Variants in ESPN observed in about 807,000 individuals in gnomAD.
ESPN encodes the protein autosomal recessive deafness type 36 protein.
ESPN carries 68 observed loss-of-function variants against 77.7 expected under a neutral mutation model. The observed-to-expected ratio is 0.87, with a 90% confidence interval of 0.72 to 1.07. The LOEUF (loss-of-function observed/expected upper bound fraction) is 1.07, where lower values mean the gene tolerates loss of function less well. ESPN is among the 50% of genes least tolerant of loss of function. ESPN has a pLI of 0.00. For missense variants in ESPN, 1,060 were observed against 1,239.0 expected, an observed-to-expected ratio of 0.86 and a Z score of 2.17; for synonymous variants, 449 against 567.1, an observed-to-expected ratio of 0.79 and a Z score of 2.96.
Position 6,427,154 on chromosome 1 carries a change from C to T in ESPN, c.295-1072C>T, listed in dbSNP as rs1413010369. Among the ~76,000 whole-genome samples, 1 of 152,112 alleles carries T rather than the reference C, an allele frequency of 6.6e-6. No individual in the cohort carries two copies. The highest frequency in any genetic ancestry group is 1.5e-5 in the Non-Finnish European group (1 of 68,022). On this transcript the variant is annotated intron_variant, in intron 1 of 12. Transcript: ENST00000645284. The surrounding 1 kb of genome is among the most constrained non-coding windows in gnomAD (Gnocchi z 4.6). ...CCAGTCTGTAACCACAGTGCCCTCT[C>T]TCTGGGCAAGGCGGGGCAGAGAGGC...
rs1448795244 is a variant in ESPN at position 6,440,700 on chromosome 1, C to A, written c.750C>A (p.Arg250=). The A allele has an allele frequency of 5.2e-6, 8 of 1,546,668 alleles. No homozygotes were observed. Among genetic ancestry groups the A allele is most frequent in the Non-Finnish European group, 6.9e-6 (8 of 1,155,440 alleles). Residue 250 remains arginine, a synonymous_variant, in exon 4 of 13, where the codon CGC becomes CGA. Coordinates refer to ENST00000645284, the MANE Select transcript of ESPN (RefSeq NM_031475.3). ...GATAMHFAAS[R]GHTKVLSWLL... The stretch of plus-strand genomic sequence containing the variant: ...CCGCCATGCACTTCGCGGCGAGCCG[C>A]GGCCACACCAAGGTGCTCAGCTGGC...
intron 12 of ESPN, among the ~76,000 whole-genome samples, chr1:6,458,815 C>T (rs1644099147): frequency 6.6e-6 from 1 of 150,890 alleles, no homozygotes; most frequent in Non-Finnish European, 1.5e-5. Context: ...CCTGTAATCC[C>T]AGCTACTCGG....
At chr1:6,440,590 A>T (rs1452672008) in intron 3 of ESPN, 36 bp from the exon 4 acceptor site, 4 of 1,045,482 alleles carry the variant, frequency 3.8e-6, no homozygotes, top group Non-Finnish European at 5.4e-6. Flanking sequence ...CCTGGCGCCC[A>T]GCCCCCGCCC....
intron 12 of ESPN, among the ~76,000 whole-genome samples, chr1:6,458,817 G>A (rs992922989): frequency 1.3e-5 from 2 of 151,234 alleles, no homozygotes; most frequent in African/African-American, 4.9e-5. Flanking sequence ...TGTAATCCCA[G>A]CTACTCGGGA....
rs1644139307 is a variant in ESPN at position 6,460,455 on chromosome 1, C to T, written c.*309C>T. 3.8e-6 allele frequency: 1 copy of T among 260,594 alleles called. No individual in the cohort carries two copies. Among genetic ancestry groups the T allele is most frequent in the African/African-American group, 2.2e-5 (1 of 44,460 alleles). 16.1% of individuals were successfully genotyped at this position (260,594 alleles called of 1,614,324 possible). ...GACTATCAAAGAGTGCAGAGCTCTC[C>T]CCAGCCCCGTGGGTGGTGACTTTGT... On this transcript the variant is annotated 3_prime_UTR_variant, in exon 13 of 13. Transcript: ENST00000645284.
chr1:6,427,517 ACTAGCCTGCAC>A lies in ESPN; in HGVS notation c.295-703_295-693del, dbSNP rs745442564. Among the ~76,000 whole-genome samples the A allele has an allele frequency of 1.3e-5, 2 of 151,976 alleles. No individual in the cohort carries two copies. Among genetic ancestry groups the A allele is most frequent in the African/African-American group, 2.4e-5 (1 of 41,380 alleles). The stretch of plus-strand genomic sequence containing the variant: ...TGTCCAAGCCCTCCCAGAGGCCACC[ACTAGCCTGCAC>A]CTAGCACCCCTGGCTGACTGCCCCG... On this transcript the variant is annotated intron_variant, in intron 1 of 12. Transcript: ENST00000645284. This position sits in a 1 kb window ranked among gnomAD's most constrained non-coding sequence, Gnocchi z 4.6.
chr1:6,442,169 C>CTGCT (rs1455641315), intron 5 of ESPN, among the ~76,000 whole-genome samples: 1 of 152,206 alleles, frequency 6.6e-6, no homozygotes, highest in Non-Finnish European at 1.5e-5. Flanking sequence ...CTGGATGCAG[C>CTGCT]TGCTAGCGGT....
chr1:6,441,139 C>G (rs1289850574), intron 5 of ESPN, 74 bp downstream of exon 5: 13 of 1,555,054 alleles, frequency 8.4e-6, no homozygotes, highest in Non-Finnish European at 1.1e-5. Flanking sequence ...GTCGTCACCC[C>G]TTTTACCAAG....
chr1:6,432,118 C>A (rs1040835955), intron 2 of ESPN, among the ~76,000 whole-genome samples: 18 of 152,220 alleles, frequency 1.2e-4, no homozygotes, highest in Admixed American at 1.0e-3. Context: ...TTCATGGAGC[C>A]TGGCTGCTCC....
At position 6,428,818 on chromosome 1, in the gene ESPN, G is replaced by A. The variant is rs750973388; in HGVS notation, c.488+399G>A. On this transcript the variant is annotated intron_variant, in intron 2 of 12. Coordinates refer to ENST00000645284, the MANE Select transcript of ESPN (RefSeq NM_031475.3). This position sits in a 1 kb window ranked among gnomAD's most constrained non-coding sequence, Gnocchi z 5.4. ...AGTCGGGGGCAGCAAGGGCAGGAGC[G>A]CCTCCTAGGCCCTAGTCAAACAGGC... Among the ~76,000 whole-genome samples, 4 of 152,134 alleles carry A rather than the reference G, an allele frequency of 2.6e-5. No homozygotes were observed. The highest frequency in any genetic ancestry group is 5.9e-5 in the Non-Finnish European group (4 of 68,000).
At chr1:6,435,938 G>A (rs1278127941) in intron 2 of ESPN, among the ~76,000 whole-genome samples, 1 of 152,260 alleles carries the variant, frequency 6.6e-6, no homozygotes, top group East Asian at 1.9e-4. Flanking sequence ...ATGGGTTTGG[G>A]AAGACAAAGA....
intron 6 of ESPN, among the ~76,000 whole-genome samples, chr1:6,445,349 G>A (rs1643790934): frequency 6.6e-6 from 1 of 152,230 alleles, no homozygotes; most frequent in Admixed American, 6.5e-5. Flanking sequence ...GCAAAGATTG[G>A]ATGTGGCCAT....
Position 6,425,357 on chromosome 1 carries a change from C to A in ESPN, c.294+108C>A, listed in dbSNP as rs1012979845. ...ATGGGTGGGGTTTGGCACCTCCTGGCCCAGCTGAACCCTGCACGGAGCTCC... is the reference window on the plus strand; with the variant it reads ...ATGGGTGGGGTTTGGCACCTCCTGGACCAGCTGAACCCTGCACGGAGCTCC... On this transcript the variant is annotated intron_variant, in intron 1 of 12. Transcript: ENST00000645284. 3.8e-6 allele frequency: 5 copies of A among 1,316,610 alleles called. No individual in the cohort carries two copies. The Admixed American group carries it at 8.1e-5, about 21-fold the overall frequency. The allele number at this position is 1,316,610 out of a possible 1,614,324, so 81.6% of individuals were successfully genotyped here.
At position 6,451,943 on chromosome 1, in the gene ESPN, G is replaced by A. The variant is rs781377643; in HGVS notation, c.2172G>A (p.Pro724=). ...TCAATGGAAGCTTGGTTCCCGTGCCGCCCACTACTCCTGCGCCGGGAGTGC... is the reference window on the plus strand; with the variant it reads ...TCAATGGAAGCTTGGTTCCCGTGCCACCCACTACTCCTGCGCCGGGAGTGC... ...PLLNGSLVPV[P]PTTPAPGVQL... is the part of the protein sequence containing the mutation. The change falls in exon 10 of 13, where the codon CCG becomes CCA. Residue 724 remains proline (P), a synonymous_variant. Coordinates refer to ENST00000645284, the MANE Select transcript of ESPN (RefSeq NM_031475.3). This position sits in a 1 kb window ranked among gnomAD's most constrained non-coding sequence, Gnocchi z 4.3. The A allele has an allele frequency of 2.8e-5, 45 of 1,610,456 alleles. No individual in the cohort carries two copies. The highest frequency in any genetic ancestry group is 2.0e-4 in the Admixed American group (12 of 59,738).
At chr1:6,449,126 G>A (rs773786108) in intron 8 of ESPN, 35 bp downstream of exon 8, 2 of 1,442,820 alleles carry the variant, frequency 1.4e-6, no homozygotes, top group Admixed American at 2.7e-5. Context: ...GTGGGGCGGC[G>A]CTAGCCCTGA....
At chr1:6,444,368 G>C (rs1643749044) in intron 5 of ESPN, 113 bp from the exon 6 acceptor site, 1 of 994,240 alleles carries the variant, frequency 1.0e-6, no homozygotes, top group African/African-American at 1.6e-5. Context: ...CCAGAGAGCG[G>C]TGTGGCTTGG....
In ESPN at chr1:6,452,070, C is replaced by CAGG; in HGVS notation, c.2311_2313dup (p.Glu771dup). 6.4e-7 allele frequency: 1 copy of CAGG among 1,559,180 alleles called. No homozygotes were observed. The highest frequency in any genetic ancestry group is 1.2e-5 in the South Asian group (1 of 85,170). On this transcript the variant is annotated inframe_insertion, in exon 10 of 13. Transcript: ENST00000645284. ...GGTGCGCAAGATGCAGCTGAAGATG[C>CAGG]AGGAGGAGGAGGAGCAGAGGCGGAA...
chr1:6,457,094 T>C (rs1644069908), intron 10 of ESPN, 90 bp from the exon 11 acceptor site: 1 of 1,264,286 alleles, frequency 7.9e-7, no homozygotes, highest in African/African-American at 1.5e-5. Context: ...GATGTCTTCC[T>C]GTGACCCTGA....
rs1177005438 is a variant in ESPN at position 6,452,016 on chromosome 1, C to T, written c.2245C>T (p.Pro749Ser). 2.5e-6 allele frequency: 4 copies of T among 1,597,576 alleles called. No individual in the cohort carries two copies. The highest frequency in any genetic ancestry group is 1.7e-5 in the Admixed American group (1 of 58,288). Residue 749 changes from proline to serine, a missense_variant, in exon 10 of 13, where the codon CCC (proline) becomes TCC (serine). Pro to Ser is a moderately conservative substitution (Grantham distance 74, BLOSUM62 -1). This residue lies in a region of ESPN where 374 missense variants were observed against 381.4 expected (regional missense o/e 0.98). Coordinates refer to ENST00000645284, the MANE Select transcript of ESPN (RefSeq NM_031475.3). ...CCCCACGCACGATGAGCAGGGCCGG[C>T]CCATCCCCGAGTGGAAGCGCCAGGT... ...LIPTHDEQGRPIPEWKRQVMV... is the reference protein window; with the variant it reads ...LIPTHDEQGRSIPEWKRQVMV...
Sources: gnomAD v4.1 joint callset for allele counts (sites outside exome capture counted in the v4.1 genomes callset) on GRCh38, gnomAD v4.1.1 for gene constraint, gnomAD v4.1.1 regional missense constraint, Gnocchi (gnomAD v3.1) non-coding constraint, MANE v1.5 for transcripts, NCBI Gene and HGNC (gene_info 2026-07-23, HGNC 2026-07-21) for gene names.